Variants in SLIT3 observed in about 807,000 individuals in gnomAD.
SLIT3 encodes the protein slit homolog 3 protein.
A neutral mutation model predicts 184.0 loss-of-function variants in SLIT3; 68 were observed. That is an observed-to-expected ratio of 0.37 (90% confidence interval 0.30 to 0.45). SLIT3 has a LOEUF of 0.45. Ranked by LOEUF, SLIT3 falls within the 20% of genes least tolerant of loss-of-function variation. The probability of loss-of-function intolerance (pLI) is 1.00; values close to 1 mark genes in which losing one functional copy is unlikely to be tolerated. For synonymous variants in SLIT3, 831 were observed against 828.6 expected (o/e 1.00, Z -0.05); for missense variants, 1,707 against 2,026.0 (o/e 0.84, Z 3.02).
At chr5:168,843,215 T>C (rs892704137) in intron 6 of SLIT3, among the ~76,000 whole-genome samples, 1 of 152,138 alleles carries the variant, frequency 6.6e-6, no homozygotes, top group Non-Finnish European at 1.5e-5. Flanking sequence ...TGATTCCTCT[T>C]GGAATCACCT....
At chr5:169,009,733 A>G (rs1028398656) in intron 4 of SLIT3, among the ~76,000 whole-genome samples, 1 of 152,218 alleles carries the variant, frequency 6.6e-6, no homozygotes, top group Non-Finnish European at 1.5e-5. Context: ...ATCAGACATG[A>G]TAAAGTATAT....
At position 169,099,248 on chromosome 5, in the gene SLIT3, G is replaced by A. The variant is rs1305494466; in HGVS notation, c.413+94231C>T. On this transcript the variant is annotated intron_variant, in intron 4 of 35. Transcript: ENST00000519560. ...CGGTTTGTGTTGGCATGAAATAGGC[G>A]ATTTGCAGGCACAGAAGCCCCCAAG... Among the ~76,000 whole-genome samples the A allele has an allele frequency of 5.3e-5, 8 of 152,078 alleles. No homozygotes were observed. The South Asian group carries it at 8.3e-4, about 16-fold the overall frequency.
chr5:169,159,168 T>C (rs1467801876), intron 4 of SLIT3, among the ~76,000 whole-genome samples: 2 of 150,748 alleles, frequency 1.3e-5, no homozygotes, highest in Non-Finnish European at 3.0e-5. Context: ...GCAGATCACC[T>C]GAGGTCAAGA....
At chr5:169,211,726 G>A (rs560556080) in intron 3 of SLIT3, among the ~76,000 whole-genome samples, 1 of 152,084 alleles carries the variant, frequency 6.6e-6, no homozygotes, top group South Asian at 2.1e-4. Flanking sequence ...TGCCTTGGGG[G>A]GTTCCCGCAC....
At chr5:169,084,325 C>A (rs1246872321) in intron 4 of SLIT3, among the ~76,000 whole-genome samples, 2 of 150,494 alleles carry the variant, frequency 1.3e-5, no homozygotes, top group African/African-American at 4.9e-5. Context: ...GCTCTTGTTG[C>A]CCAGTCTGGG....
chr5:169,090,442 G>A (rs1028107075), intron 4 of SLIT3, among the ~76,000 whole-genome samples: 1 of 152,140 alleles, frequency 6.6e-6, no homozygotes, highest in African/African-American at 2.4e-5. Context: ...GAGCAGAGCA[G>A]GTGAAGGAAG....
At chr5:168,675,772 A>C (rs1761388690) in intron 32 of SLIT3, among the ~76,000 whole-genome samples, 1 of 152,204 alleles carries the variant, frequency 6.6e-6, no homozygotes. Context: ...TTTTAGTGTT[A>C]GAAGACTAAC....
intron 4 of SLIT3, among the ~76,000 whole-genome samples, chr5:169,097,686 A>G (rs1036886692): frequency 2.6e-5 from 4 of 152,160 alleles, no homozygotes; most frequent in African/African-American, 9.6e-5. Flanking sequence ...GGGCTGTTGG[A>G]GGAGGCAGTC....
intron 3 of SLIT3, among the ~76,000 whole-genome samples, chr5:169,240,817 T>G (rs958989919): frequency 2.6e-5 from 4 of 151,692 alleles, no homozygotes; most frequent in Admixed American, 2.6e-4. Context: ...ATCCTTCATT[T>G]TAATTCATAT....
At chr5:168,844,880 T>G in intron 5 of SLIT3, 2 of 483,076 alleles carry the variant, frequency 4.1e-6, no homozygotes, top group South Asian at 3.6e-5. Context: ...CAGGTCTCAG[T>G]AAATATTAAT....
chr5:168,734,345 CAG>C (rs1763372644), intron 20 of SLIT3, among the ~76,000 whole-genome samples: 2 of 152,172 alleles, frequency 1.3e-5, no homozygotes, highest in Non-Finnish European at 2.9e-5. Flanking sequence ...CATCTTTTAT[CAG>C]ACTTTCCCTT....
intron 1 of SLIT3, among the ~76,000 whole-genome samples, chr5:169,277,504 C>T (rs1351844690): frequency 6.6e-6 from 1 of 152,328 alleles, no homozygotes; most frequent in African/African-American, 2.4e-5. Flanking sequence ...TCCCAAAGTG[C>T]TGGGATTACA....
At chr5:169,223,341 A>G (rs1289725936) in intron 3 of SLIT3, among the ~76,000 whole-genome samples, 1 of 152,222 alleles carries the variant, frequency 6.6e-6, no homozygotes, top group Non-Finnish European at 1.5e-5. Context: ...GCAGCCAGCC[A>G]GAGTTGGGGA....
chr5:169,095,971 T>A (rs539392572), intron 4 of SLIT3, among the ~76,000 whole-genome samples: 13 of 152,330 alleles, frequency 8.5e-5, no homozygotes, highest in Non-Finnish European at 1.9e-4. Context: ...AGGGCTCAAG[T>A]CTCTATTGAC....
Position 169,270,936 on chromosome 5 carries a change from T to C in SLIT3, c.198-19477A>G, listed in dbSNP as rs188863137. On this transcript the variant is annotated intron_variant, in intron 1 of 35. Transcript: ENST00000519560. ...AGGTTGGGTTAAGAACTAGGCAAGG[T>C]TATACATGTCAAACGGCTAGGACAA... is the stretch of plus-strand genomic sequence containing the variant. Among the ~76,000 whole-genome samples the C allele has an allele frequency of 1.3e-3, 196 of 152,284 alleles. 3 individuals carry two copies. The highest frequency in any genetic ancestry group is 4.2e-3 in the African/African-American group (173 of 41,552).
chr5:169,135,016 A>G (rs187985368), intron 4 of SLIT3, among the ~76,000 whole-genome samples: 1,799 of 152,338 alleles, frequency 0.012, 17 homozygotes, highest in Non-Finnish European at 0.016. Context: ...TACATGGACT[A>G]TGTGTTGTGA....
intron 4 of SLIT3, among the ~76,000 whole-genome samples, chr5:168,915,732 T>C (rs553734016): frequency 1.3e-5 from 2 of 152,330 alleles, no homozygotes; most frequent in African/African-American, 4.8e-5. Context: ...CCATATTTTA[T>C]CTGCTCATCA....
At chr5:169,062,733 T>G (rs928204825) in intron 4 of SLIT3, among the ~76,000 whole-genome samples, 6 of 152,230 alleles carry the variant, frequency 3.9e-5, no homozygotes, top group Non-Finnish European at 7.3e-5. Flanking sequence ...AGATTCTGCC[T>G]GTTAGGTTTC....
chr5:168,988,892 A>T (rs1354648166), intron 4 of SLIT3, among the ~76,000 whole-genome samples: 1 of 152,182 alleles, frequency 6.6e-6, no homozygotes, highest in Non-Finnish European at 1.5e-5. Context: ...CACTCTCCCC[A>T]TCTCAGCCAG....
Sources: allele counts gnomAD v4.1 joint callset (sites outside exome capture counted in the v4.1 genomes callset), GRCh38; gene constraint gnomAD v4.1.1; transcripts MANE v1.5; gene names NCBI Gene and HGNC (gene_info 2026-07-23, HGNC 2026-07-21).